Variants in YPEL1 observed in about 807,000 individuals in gnomAD.
YPEL1 encodes protein yippee-like 1.
YPEL1 carries 7 observed loss-of-function variants against 17.3 expected under a neutral mutation model. That is an observed-to-expected ratio of 0.40 (90% confidence interval 0.23 to 0.76). YPEL1 has a LOEUF of 0.76. Ranked by LOEUF, YPEL1 falls within the 30% of genes least tolerant of loss-of-function variation. The probability of loss-of-function intolerance (pLI) is 0.35; values close to 1 mark genes in which losing one functional copy is unlikely to be tolerated. For missense variants in YPEL1, 91 were observed against 155.5 expected (o/e 0.59, Z 2.21); for synonymous variants, 59 against 59.6 (o/e 0.99, Z 0.05).
rs766652165 is a variant in YPEL1, at chr22:21,703,463, G to A, written c.177C>T (p.Cys59=). 8.1e-6 allele frequency: 13 copies of A among 1,610,140 alleles called. No homozygotes were observed. The highest frequency in any genetic ancestry group is 4.4e-5 in the South Asian group (4 of 91,082). ...YLFNSVVNVG[C]GPAEERVLLT... ...GAAGGACCCTCTCCTCTGCAGGGCC[G>A]CAGCCCACGTTCACCCTGCGGGGAC... Residue 59 remains cysteine (C), a synonymous_variant, in exon 4 of 5, where the codon TGC becomes TGT. Coordinates refer to ENST00000339468, the MANE Select transcript of YPEL1 (RefSeq NM_013313.5). This position sits in a 1 kb window ranked among gnomAD's most constrained non-coding sequence, Gnocchi z 6.1.
At chr22:21,709,276 G>A (rs77623426) in intron 2 of YPEL1, among the ~76,000 whole-genome samples, 2,310 of 152,192 alleles carry the variant, frequency 0.015, 61 homozygotes, top group African/African-American at 0.053. Context: ...AGAAAACACC[G>A]AGGAAATGGG....
intron 1 of YPEL1, among the ~76,000 whole-genome samples, chr22:21,734,249 T>C (rs1345403291): frequency 7.2e-5 from 11 of 152,164 alleles, no homozygotes; most frequent in Non-Finnish European, 1.2e-4. Flanking sequence ...AATGGCTTTA[T>C]AAATTACAGT....
At chr22:21,733,836 C>T (rs1454435992) in intron 1 of YPEL1, among the ~76,000 whole-genome samples, 1 of 152,198 alleles carries the variant, frequency 6.6e-6, no homozygotes, top group Non-Finnish European at 1.5e-5. Context: ...ATCCCTGCCC[C>T]TTGACACAGG....
intron 2 of YPEL1, 132 bp from the exon 3 acceptor site, chr22:21,704,014 C>T (rs2068092521): frequency 1.0e-6 from 1 of 973,986 alleles, no homozygotes; most frequent in South Asian, 1.4e-5. Flanking sequence ...CAGACACCGG[C>T]GTCCCCCCTC....
At position 21,698,314 on chromosome 22, in the gene YPEL1, T is replaced by C. The variant is rs1334257288; in HGVS notation, c.*2815A>G. ...AAGACTACTAGTAAAAAATGTTCAATCAATGCCGTCACAAAAGACAGTACA... is the reference window on the plus strand; with the variant it reads ...AAGACTACTAGTAAAAAATGTTCAACCAATGCCGTCACAAAAGACAGTACA... On this transcript the variant is annotated 3_prime_UTR_variant, in exon 5 of 5. Coordinates refer to ENST00000339468, the MANE Select transcript of YPEL1 (RefSeq NM_013313.5). 6.8e-6 allele frequency: 1 copy of C among 147,632 alleles called. No individual in the cohort carries two copies. Among genetic ancestry groups the C allele is most frequent in the African/African-American group, 2.5e-5 (1 of 40,386 alleles). 9.1% of individuals were successfully genotyped at this position (147,632 alleles called of 1,614,324 possible).
rs1295407132 is a variant in YPEL1, at chr22:21,703,422, G to T, written c.218C>A (p.Ala73Glu). 6.2e-7 allele frequency: 1 copy of T among 1,613,208 alleles called. No individual in the cohort carries two copies. Among genetic ancestry groups the T allele is most frequent in the East Asian group, 2.2e-5 (1 of 44,866 alleles). ...EERVLLTGLH[A>E]VADIYCENCK... ...GTTCTCGCAGTAGATGTCGGCAACCGCATGCAGCCCGGTGAGAAGGACCCT... is the reference window on the plus strand; with the variant it reads ...GTTCTCGCAGTAGATGTCGGCAACCTCATGCAGCCCGGTGAGAAGGACCCT... The change falls in exon 4 of 5, where the codon GCG becomes GAG. Residue 73 changes from alanine (A) to glutamate (E), a missense_variant. Physicochemically the swap from Ala to Glu is moderately radical, Grantham distance 107 (BLOSUM62 -1). Coordinates refer to ENST00000339468, the MANE Select transcript of YPEL1 (RefSeq NM_013313.5). The surrounding 1 kb of genome is among the most constrained non-coding windows in gnomAD (Gnocchi z 6.1).
chr22:21,715,724 G>C (rs2068215565), intron 1 of YPEL1, among the ~76,000 whole-genome samples: 1 of 117,022 alleles, frequency 8.5e-6, no homozygotes, highest in African/African-American at 2.7e-5. Context: ...TGGGACTACT[G>C]GCACGTGCCA....
chr22:21,712,028 A>C (rs2068171276), intron 1 of YPEL1, among the ~76,000 whole-genome samples: 1 of 151,968 alleles, frequency 6.6e-6, no homozygotes, highest in South Asian at 2.1e-4. Flanking sequence ...ACACAAAATT[A>C]GCTGGGTGTG....
At chr22:21,721,981 T>C (rs1238282346) in intron 1 of YPEL1, among the ~76,000 whole-genome samples, 1 of 152,234 alleles carries the variant, frequency 6.6e-6, no homozygotes, top group Non-Finnish European at 1.5e-5. Flanking sequence ...TGTTTGTCCA[T>C]ACCTGGCTTA....
intron 2 of YPEL1, among the ~76,000 whole-genome samples, chr22:21,707,249 C>G (rs891703733): frequency 2.0e-5 from 3 of 152,128 alleles, no homozygotes; most frequent in African/African-American, 7.2e-5. Context: ...GAAACCCCCT[C>G]TACTAAAAAT....
At chr22:21,734,600 G>C (rs1022049901) in intron 1 of YPEL1, among the ~76,000 whole-genome samples, 1 of 152,142 alleles carries the variant, frequency 6.6e-6, no homozygotes, top group African/African-American at 2.4e-5. Flanking sequence ...CACCATGAAG[G>C]TCCTGGAGAT....
chr22:21,721,110 C>A (rs1196381692), intron 1 of YPEL1, among the ~76,000 whole-genome samples: 2 of 150,450 alleles, frequency 1.3e-5, no homozygotes, highest in Non-Finnish European at 3.0e-5. Flanking sequence ...TGTACCTGGC[C>A]AACATTTTGG....
chr22:21,729,831 A>G (rs930977007), intron 1 of YPEL1, among the ~76,000 whole-genome samples: 16 of 152,160 alleles, frequency 1.1e-4, no homozygotes, highest in African/African-American at 3.1e-4. Context: ...TGCCTGTAAT[A>G]AAAGATTAGA....
At position 21,715,695 on chromosome 22, in the gene YPEL1, C is replaced by T. The variant is rs796942534; in HGVS notation, c.-164-4787G>A. ...CTCCCGGGTTCAAGTGATTCTCCTGCCTCAGCCTCCTGAGTAGCTGGGACT... is the reference window on the plus strand; with the variant it reads ...CTCCCGGGTTCAAGTGATTCTCCTGTCTCAGCCTCCTGAGTAGCTGGGACT... On this transcript the variant is annotated intron_variant, in intron 1 of 4. Transcript: ENST00000339468. 2.4e-3 allele frequency among the ~76,000 whole-genome samples: 268 copies of T among 113,222 alleles called. 47 individuals are homozygous for T. Among genetic ancestry groups the T allele is most frequent in the South Asian group, 5.8e-3 (21 of 3,630 alleles). 74.3% of individuals were successfully genotyped at this position (113,222 alleles called of 152,430 possible).
Position 21,703,301 on chromosome 22 carries a change from G to T in YPEL1, c.270+69C>A. ...GGTACCATGGGCCACACTGCACGGG[G>T]AGGTGTGGCTCAGTGGCAACTTAGT... On this transcript the variant is annotated intron_variant, in intron 4 of 4. Coordinates refer to ENST00000339468, the MANE Select transcript of YPEL1 (RefSeq NM_013313.5). This position sits in a 1 kb window ranked among gnomAD's most constrained non-coding sequence, Gnocchi z 6.1. 1 of 1,350,382 alleles carries T rather than the reference G, an allele frequency of 7.4e-7. No individual in the cohort carries two copies. The highest frequency in any genetic ancestry group is 1.1e-6 in the Non-Finnish European group (1 of 947,000). The allele number at this position is 1,350,382 out of a possible 1,614,324, so 83.6% of individuals were successfully genotyped here.
At chr22:21,730,905 T>G (rs2068379634) in intron 1 of YPEL1, among the ~76,000 whole-genome samples, 1 of 152,142 alleles carries the variant, frequency 6.6e-6, no homozygotes, top group African/African-American at 2.4e-5. Flanking sequence ...CCATCTCTCC[T>G]CCCACCTGTG....
chr22:21,732,696 C>T (rs1349706597), intron 1 of YPEL1, among the ~76,000 whole-genome samples: 1 of 151,168 alleles, frequency 6.6e-6, no homozygotes, highest in Non-Finnish European at 1.5e-5. Context: ...ACAGGAGAAT[C>T]GCTTGAACCC....
rs2068060665 is a variant in YPEL1 at position 21,701,070 on chromosome 22, A to G, written c.*59T>C. 8 of 1,497,580 alleles carry G rather than the reference A, an allele frequency of 5.3e-6. No individual in the cohort carries two copies. The highest frequency in any genetic ancestry group is 3.4e-5 in the South Asian group (3 of 88,226). 92.8% of individuals were successfully genotyped at this position (1,497,580 alleles called of 1,614,324 possible). A position where few individuals can be genotyped will look rare whatever the true frequency, so the allele number is the denominator to read the frequency against. On this transcript the variant is annotated 3_prime_UTR_variant, in exon 5 of 5. Coordinates refer to ENST00000339468, the MANE Select transcript of YPEL1 (RefSeq NM_013313.5). Reference sequence around the variant, plus strand: ...TGTCACCAGATGCTCCTACGTTTCCATTACATTCACAGTTTCTTTCACAAA... The same window carrying G: ...TGTCACCAGATGCTCCTACGTTTCCGTTACATTCACAGTTTCTTTCACAAA...
At chr22:21,702,469 C>T (rs1353359298) in intron 4 of YPEL1, among the ~76,000 whole-genome samples, 1 of 151,994 alleles carries the variant, frequency 6.6e-6, no homozygotes, top group African/African-American at 2.4e-5. Context: ...GGCCTGGACC[C>T]GAAGAACACC....
Sources: allele counts gnomAD v4.1 joint callset (sites outside exome capture counted in the v4.1 genomes callset), GRCh38; gene constraint gnomAD v4.1.1; non-coding constraint Gnocchi (gnomAD v3.1); transcripts MANE v1.5; gene names NCBI Gene and HGNC (gene_info 2026-07-23, HGNC 2026-07-21).